The following SPOCK1 variants were observed in gnomAD, a reference collection of about 807,000 sequenced individuals.
SPOCK1 encodes SPARC (osteonectin), cwcv and kazal like domains proteoglycan 1.
SPOCK1 carries 23 observed loss-of-function variants against 55.3 expected under a neutral mutation model. The observed-to-expected ratio is 0.42, with a 90% CI of 0.30 to 0.59. SPOCK1 has a LOEUF of 0.59. Ranked by LOEUF, SPOCK1 falls within the 20% of genes least tolerant of loss-of-function variation. SPOCK1 has a pLI of 0.22. For synonymous variants in SPOCK1, 226 were observed against 221.0 expected (o/e 1.02, Z -0.20); for missense variants, 499 against 552.5 (o/e 0.90, Z 0.97).
At chr5:137,050,614 G>T (rs1036891359) in intron 6 of SPOCK1, among the ~76,000 whole-genome samples, 3 of 152,054 alleles carry the variant, frequency 2.0e-5, no homozygotes, top group Admixed American at 1.3e-4. Context: ...CGTCGCTCAC[G>T]CTGGGAGCTG....
chr5:137,011,646 T>C (rs1463062704), intron 6 of SPOCK1, among the ~76,000 whole-genome samples: 1 of 152,188 alleles, frequency 6.6e-6, no homozygotes, highest in Non-Finnish European at 1.5e-5. Flanking sequence ...ATCTACCACA[T>C]CAGCAATAAA....
intron 2 of SPOCK1, chr5:137,365,418 A>G (rs1751036596): frequency 6.6e-6 from 1 of 152,150 alleles, no homozygotes; most frequent in Admixed American, 6.5e-5. Context: ...TCTAGAGTCT[A>G]CTCCAGAACT....
intron 9 of SPOCK1, among the ~76,000 whole-genome samples, chr5:136,979,924 A>G (rs1017387912): frequency 1.3e-5 from 2 of 152,186 alleles, no homozygotes; most frequent in Non-Finnish European, 2.9e-5. Flanking sequence ...TTGCCCAACC[A>G]CATAAAGTGA....
At chr5:137,353,289 G>A (rs1229926577) in intron 2 of SPOCK1, among the ~76,000 whole-genome samples, 6 of 152,226 alleles carry the variant, frequency 3.9e-5, no homozygotes, top group East Asian at 1.9e-4. Context: ...GCTGAGGTGG[G>A]AGGATGGCTT....
chr5:137,272,822 C>T (rs1462826925), intron 2 of SPOCK1, among the ~76,000 whole-genome samples: 1 of 147,980 alleles, frequency 6.8e-6, no homozygotes, highest in Non-Finnish European at 1.5e-5. Flanking sequence ...TAAGGCATCA[C>T]TCAACAGCAC....
intron 6 of SPOCK1, among the ~76,000 whole-genome samples, chr5:136,994,670 C>T (rs944374622): frequency 6.6e-6 from 1 of 151,094 alleles, no homozygotes; most frequent in Non-Finnish European, 1.5e-5. Flanking sequence ...AAAATAGTTG[C>T]TTGTGTTATC....
At chr5:137,302,677 T>C (rs1363847153) in intron 2 of SPOCK1, among the ~76,000 whole-genome samples, 4 of 152,162 alleles carry the variant, frequency 2.6e-5, no homozygotes, top group East Asian at 3.8e-4. Flanking sequence ...TCTTCTCCCA[T>C]GGAAATAAAC....
At chr5:137,145,417 C>T (rs547970385) in intron 3 of SPOCK1, among the ~76,000 whole-genome samples, 2 of 152,272 alleles carry the variant, frequency 1.3e-5, no homozygotes, top group African/African-American at 4.8e-5. Flanking sequence ...CAAGCCTTTG[C>T]ACTCTTCTTG....
chr5:137,329,757 G>A (rs1023801436), intron 2 of SPOCK1, among the ~76,000 whole-genome samples: 5 of 152,208 alleles, frequency 3.3e-5, no homozygotes, highest in East Asian at 1.9e-4. Flanking sequence ...GCGCACACAC[G>A]CTATCCCACA....
At chr5:137,334,813 C>T (rs1391786967) in intron 2 of SPOCK1, among the ~76,000 whole-genome samples, 1 of 152,162 alleles carries the variant, frequency 6.6e-6, no homozygotes, top group Non-Finnish European at 1.5e-5. Flanking sequence ...AGGAGAGATG[C>T]TCACAGCCTT....
intron 2 of SPOCK1, among the ~76,000 whole-genome samples, chr5:137,470,692 C>A (rs919458680): frequency 3.9e-5 from 6 of 152,198 alleles, no homozygotes; most frequent in African/African-American, 1.4e-4. Flanking sequence ...AATCTGCTTT[C>A]TTAAAATCAC....
chr5:137,318,905 T>A (rs2950952), intron 2 of SPOCK1, among the ~76,000 whole-genome samples: 1 of 152,132 alleles, frequency 6.6e-6, no homozygotes, highest in Non-Finnish European at 1.5e-5. Context: ...TGCTTCTCTG[T>A]AGGAAATCAA....
At chr5:137,416,101 A>T (rs1752321589) in intron 2 of SPOCK1, among the ~76,000 whole-genome samples, 1 of 152,168 alleles carries the variant, frequency 6.6e-6, no homozygotes, top group Admixed American at 6.5e-5. Flanking sequence ...GACAATAGAA[A>T]AGGAAAAGAA....
At chr5:137,250,530 G>T (rs1361116765) in intron 3 of SPOCK1, among the ~76,000 whole-genome samples, 1 of 152,150 alleles carries the variant, frequency 6.6e-6, no homozygotes, top group Non-Finnish European at 1.5e-5. Flanking sequence ...GTTCATAGAA[G>T]TGGGGGAAGC....
intron 2 of SPOCK1, among the ~76,000 whole-genome samples, chr5:137,369,116 T>C (rs964637724): frequency 1.3e-5 from 2 of 152,214 alleles, no homozygotes; most frequent in African/African-American, 4.8e-5. Context: ...TGGACCCATG[T>C]GGGAAAGAAC....
chr5:137,052,509 T>A (rs2126998386), intron 6 of SPOCK1, among the ~76,000 whole-genome samples: 1 of 152,366 alleles, frequency 6.6e-6, no homozygotes, highest in Non-Finnish European at 1.5e-5. Flanking sequence ...CAAGCCATTT[T>A]ACCCAGAAAT....
At chr5:137,471,437 C>T (rs1466090613) in intron 2 of SPOCK1, among the ~76,000 whole-genome samples, 1 of 152,154 alleles carries the variant, frequency 6.6e-6, no homozygotes, top group Non-Finnish European at 1.5e-5. Flanking sequence ...CTACTTCATT[C>T]AGTTGCTGCA....
chr5:137,141,772 G>A (rs1202590276), intron 3 of SPOCK1, among the ~76,000 whole-genome samples: 1 of 152,002 alleles, frequency 6.6e-6, no homozygotes, highest in Admixed American at 6.6e-5. Flanking sequence ...GGCATGTTCA[G>A]GCAATCATAA....
At chr5:137,480,169 A>G (rs1753919438) in intron 2 of SPOCK1, among the ~76,000 whole-genome samples, 1 of 152,212 alleles carries the variant, frequency 6.6e-6, no homozygotes, top group South Asian at 2.1e-4. Flanking sequence ...AATTAAAAAT[A>G]AACAAAACTG....
Sources: gnomAD v4.1 joint callset for allele counts (sites outside exome capture counted in the v4.1 genomes callset) on GRCh38, gnomAD v4.1.1 for gene constraint, MANE v1.5 for transcripts, NCBI Gene and HGNC (gene_info 2026-07-23, HGNC 2026-07-21) for gene names.